KCNIP4: variants seen among roughly 807,000 people sequenced by gnomAD.
The protein encoded by KCNIP4 is potassium voltage-gated channel interacting protein 4, also known as Kv channel-interacting protein 4.
KCNIP4 carries 12 observed loss-of-function variants against 34.0 expected under a neutral mutation model. That is an observed-to-expected ratio of 0.35 (90% CI 0.23 to 0.57). The LOEUF is 0.57. Ranked by LOEUF, KCNIP4 falls within the 20% of genes least tolerant of loss-of-function variation. The pLI, the probability that KCNIP4 is intolerant of heterozygous loss-of-function variation, is 0.83. For missense variants in KCNIP4, 238 were observed against 311.7 expected (o/e 0.76, Z 1.78); for synonymous variants, 124 against 102.2 (o/e 1.21, Z -1.29).
chr4:21,019,869 AGTATACAGTGTCTGATT>A (rs1220300515), intron 1 of KCNIP4, among the ~76,000 whole-genome samples: 3 of 152,174 alleles, frequency 2.0e-5, no homozygotes, highest in Non-Finnish European at 2.9e-5. Flanking sequence ...AGAGGAAAGA[AGTATACAGTGTCTGATT>A]GCATAGCTTC....
rs565402992 is a variant in KCNIP4 at position 21,577,389 on chromosome 4, G to C, written c.61+371182C>G. 1.2e-4 allele frequency among the ~76,000 whole-genome samples: 18 copies of C among 152,168 alleles called. No individual in the cohort carries two copies. In the South Asian group the frequency reaches 3.7e-3, roughly 32 times the overall value. ...TCACCCCTGTAATCCCAGCACTTTT[G>C]GAGGCTGAGGTGGGCAGACCACCTG... On this transcript the variant is annotated intron_variant, in intron 1 of 8. Transcript: ENST00000382152.
chr4:21,526,752 T>A (rs1180630985), intron 1 of KCNIP4, among the ~76,000 whole-genome samples: 3 of 152,100 alleles, frequency 2.0e-5, no homozygotes, highest in Non-Finnish European at 4.4e-5. Flanking sequence ...ACTCCATACA[T>A]TTTCCACAAA....
chr4:20,805,175 A>G (rs1377614874), intron 3 of KCNIP4, among the ~76,000 whole-genome samples: 1 of 145,310 alleles, frequency 6.9e-6, no homozygotes, highest in African/African-American at 2.5e-5. Flanking sequence ...AGAAAATATC[A>G]TAGATGCTTC....
chr4:21,030,122 G>A (rs1740886040), intron 1 of KCNIP4, among the ~76,000 whole-genome samples: 1 of 152,168 alleles, frequency 6.6e-6, no homozygotes, highest in African/African-American at 2.4e-5. Flanking sequence ...TGAGTAGCAG[G>A]CGAGCAAGCA....
At position 21,948,689 on chromosome 4, in the gene KCNIP4, G is replaced by A. The variant is rs1730641258; in HGVS notation, c.-58C>T. ...GAGAGTCCACCGGCCAGGGGCGTCT[G>A]TCCACGGGTCTGCACGGGAGCGCAC... On this transcript the variant is annotated 5_prime_UTR_variant, in exon 1 of 9. Transcript: ENST00000382152. 2 of 1,581,000 alleles carry A rather than the reference G, an allele frequency of 1.3e-6. No individual in the cohort carries two copies. Among genetic ancestry groups the A allele is most frequent in the East Asian group, 2.3e-5 (1 of 43,636 alleles).
chr4:21,631,156 C>T (rs567340351), intron 1 of KCNIP4, among the ~76,000 whole-genome samples: 1 of 151,464 alleles, frequency 6.6e-6, no homozygotes, highest in African/African-American at 2.5e-5. Context: ...CCTATCAACA[C>T]ATGAGATTCT....
chr4:20,759,511 T>C (rs2149359535), intron 3 of KCNIP4, among the ~76,000 whole-genome samples: 1 of 152,264 alleles, frequency 6.6e-6, no homozygotes, highest in East Asian at 1.9e-4. Context: ...GATCCCCACC[T>C]TTGTCCCTGG....
rs1164273741 is a variant in KCNIP4, at chr4:21,948,700, T to A, written c.-69A>T. ...GGCCAGGGGCGTCTGTCCACGGGTC[T>A]GCACGGGAGCGCACCGCCGCTCGGC... On this transcript the variant is annotated 5_prime_UTR_variant, in exon 1 of 9. Coordinates refer to ENST00000382152, the MANE Select transcript of KCNIP4 (RefSeq NM_025221.6). 1.3e-6 allele frequency: 2 copies of A among 1,493,706 alleles called. No homozygotes were observed. The highest frequency in any genetic ancestry group is 3.9e-5 in the Admixed American group (2 of 50,694). The allele number at this position is 1,493,706 out of a possible 1,614,324, so 92.5% of individuals were successfully genotyped here.
At chr4:21,575,658 C>G (rs1278623767) in intron 1 of KCNIP4, among the ~76,000 whole-genome samples, 1 of 152,102 alleles carries the variant, frequency 6.6e-6, no homozygotes, top group African/African-American at 2.4e-5. Context: ...ATTTATTGTA[C>G]TATACTGAGA....
At chr4:21,397,633 A>G (rs1298424469) in intron 1 of KCNIP4, among the ~76,000 whole-genome samples, 1 of 152,230 alleles carries the variant, frequency 6.6e-6, no homozygotes, top group Non-Finnish European at 1.5e-5. Flanking sequence ...AGTGTTAATA[A>G]ATATTCTAAA....
At chr4:21,292,610 C>G (rs188929222) in intron 1 of KCNIP4, among the ~76,000 whole-genome samples, 1 of 152,128 alleles carries the variant, frequency 6.6e-6, no homozygotes, top group Non-Finnish European at 1.5e-5. Context: ...AAATTCACTT[C>G]CCCAGGCTCT....
intron 1 of KCNIP4, among the ~76,000 whole-genome samples, chr4:21,489,332 A>AC (rs1232541071): frequency 1.2e-3 from 183 of 151,804 alleles, no homozygotes; most frequent in Middle Eastern, 3.4e-3. Context: ...AAAAAAAAAA[A>AC]AAAAAACTCC....
chr4:20,931,764 G>T (rs1343497433), intron 1 of KCNIP4, among the ~76,000 whole-genome samples: 7 of 152,000 alleles, frequency 4.6e-5, no homozygotes, highest in Non-Finnish European at 1.0e-4. Context: ...ACAATAAGTG[G>T]TTCCCAGGGA....
At chr4:21,812,309 T>C (rs1171456563) in intron 1 of KCNIP4, among the ~76,000 whole-genome samples, 1 of 152,170 alleles carries the variant, frequency 6.6e-6, no homozygotes, top group African/African-American at 2.4e-5. Context: ...CAAATATTGC[T>C]CTTTTATAAT....
chr4:21,202,240 A>G (rs1439520571), intron 1 of KCNIP4, among the ~76,000 whole-genome samples: 1 of 152,262 alleles, frequency 6.6e-6, no homozygotes, highest in Admixed American at 6.5e-5. Flanking sequence ...ATGGAATACT[A>G]TGCAGCCATA....
chr4:21,618,790 G>T (rs556229464), intron 1 of KCNIP4, among the ~76,000 whole-genome samples: 209 of 151,284 alleles, frequency 1.4e-3, no homozygotes, highest in Non-Finnish European at 2.4e-3. Context: ...CCGCCACCAC[G>T]CCCTGCTAAT....
intron 1 of KCNIP4, among the ~76,000 whole-genome samples, chr4:20,953,507 T>A (rs1281964579): frequency 6.6e-6 from 1 of 151,862 alleles, no homozygotes; most frequent in East Asian, 1.9e-4. Flanking sequence ...CATGGTGAAA[T>A]CCGATCTGTA....
chr4:21,668,953 A>T (rs911533610), intron 1 of KCNIP4, among the ~76,000 whole-genome samples: 1 of 152,172 alleles, frequency 6.6e-6, no homozygotes, highest in Non-Finnish European at 1.5e-5. Context: ...CTCTCCTTCT[A>T]GTTCCTACAG....
At chr4:21,365,936 C>G (rs540934505) in intron 1 of KCNIP4, among the ~76,000 whole-genome samples, 1 of 152,196 alleles carries the variant, frequency 6.6e-6, no homozygotes, top group Non-Finnish European at 1.5e-5. Context: ...ATTCTGTTTT[C>G]TCATGCTTAC....
Sources: gnomAD v4.1 joint callset for allele counts (sites outside exome capture counted in the v4.1 genomes callset) on GRCh38, gnomAD v4.1.1 for gene constraint, MANE v1.5 for transcripts, NCBI Gene and HGNC (gene_info 2026-07-23, HGNC 2026-07-21) for gene names.